IL1RAPL1: variants seen among roughly 807,000 people sequenced by gnomAD.
IL1RAPL1 encodes the protein interleukin-1 receptor accessory protein-like 1.
IL1RAPL1 carries 3 observed loss-of-function variants against 48.4 expected under a neutral mutation model. The ratio of observed to expected loss-of-function variants is 0.06; its 90% CI spans 0.03 to 0.16. The LOEUF is 0.16. Among genes scored for constraint, IL1RAPL1 ranks in the 10% least tolerant of loss-of-function variants. IL1RAPL1 has a pLI of 1.00. For synonymous variants in IL1RAPL1, 185 were observed against 187.7 expected, an observed-to-expected ratio of 0.99 and a Z score of 0.12; for missense variants, 349 against 530.6, an observed-to-expected ratio of 0.66 and a Z score of 3.36.
chrX:29,708,765 T>A (rs2147119428), intron 6 of IL1RAPL1, among the ~76,000 whole-genome samples: 1 of 111,897 alleles, frequency 8.9e-6, no homozygotes. Flanking sequence ...ATATGGTAAT[T>A]ATATTTTTAG....
At chrX:29,762,027 T>G (rs889229621) in intron 6 of IL1RAPL1, among the ~76,000 whole-genome samples, 3 of 111,979 alleles carry the variant, frequency 2.7e-5, no homozygotes, top group East Asian at 5.6e-4. Flanking sequence ...TCTGTTCTTC[T>G]TCTGTTTGTT....
At chrX:29,783,125 C>T (rs1413183680) in intron 6 of IL1RAPL1, among the ~76,000 whole-genome samples, 1 of 108,442 alleles carries the variant, frequency 9.2e-6, no homozygotes, top group Non-Finnish European at 1.9e-5. Flanking sequence ...GGGATGGTCT[C>T]GATCTCCTGA....
intron 1 of IL1RAPL1, among the ~76,000 whole-genome samples, chrX:28,683,480 C>T (rs2023677): frequency 0.22 from 24,079 of 110,685 alleles, 2,086 homozygotes; most frequent in Admixed American, 0.37. Flanking sequence ...AGTTCAACTT[C>T]TTTACTTTAA....
intron 2 of IL1RAPL1, among the ~76,000 whole-genome samples, chrX:29,126,693 C>G (rs1473931014): frequency 4.5e-5 from 5 of 112,353 alleles, no homozygotes; most frequent in Non-Finnish European, 9.4e-5. Context: ...ATCTCCTGTA[C>G]TTGCTTCTTG....
intron 5 of IL1RAPL1, among the ~76,000 whole-genome samples, chrX:29,444,977 G>A (rs1034945340): frequency 8.9e-6 from 1 of 112,282 alleles, no homozygotes; most frequent in Non-Finnish European, 1.9e-5. Flanking sequence ...TGGGGTCAGT[G>A]TTGGAAAAAT....
intron 2 of IL1RAPL1, among the ~76,000 whole-genome samples, chrX:28,949,930 G>C (rs1232101236): frequency 1.8e-5 from 2 of 110,268 alleles, no homozygotes; most frequent in Non-Finnish European, 3.8e-5. Context: ...CTGTGCAGAA[G>C]CTCTTTAGTT....
chrX:29,431,133 A>G (rs1162074671), intron 5 of IL1RAPL1, among the ~76,000 whole-genome samples: 1 of 111,707 alleles, frequency 9.0e-6, no homozygotes, highest in African/African-American at 3.3e-5. Context: ...CATAGGCAGC[A>G]GAGCCTACCA....
intron 5 of IL1RAPL1, among the ~76,000 whole-genome samples, chrX:29,618,644 G>A (rs1407138477): frequency 1.8e-5 from 2 of 111,788 alleles, no homozygotes; most frequent in African/African-American, 6.5e-5. Context: ...CTTTGCCTCC[G>A]TCTTAGGAGG....
intron 5 of IL1RAPL1, among the ~76,000 whole-genome samples, chrX:29,545,183 CTATCTATCT>C (rs2147785088): frequency 2.2e-4 from 1 of 4,518 alleles, no homozygotes; most frequent in African/African-American, 1.5e-3. Context: ...CTAATCCTAT[CTATCTATCT>C]ATCTATCTAT....
chrX:29,824,232 C>A (rs1930682473), intron 6 of IL1RAPL1, among the ~76,000 whole-genome samples: 1 of 111,277 alleles, frequency 9.0e-6, no homozygotes, highest in African/African-American at 3.3e-5. Flanking sequence ...GCCTTACTTG[C>A]ATCAGATGTC....
chrX:29,547,715 G>C (rs190432293), intron 5 of IL1RAPL1, among the ~76,000 whole-genome samples: 3 of 111,830 alleles, frequency 2.7e-5, no homozygotes, highest in Non-Finnish European at 3.8e-5. Context: ...TTTTAGTAAA[G>C]AGCACTATAT....
intron 2 of IL1RAPL1, among the ~76,000 whole-genome samples, chrX:28,840,450 T>C (rs1286391894): frequency 9.0e-6 from 1 of 110,674 alleles, no homozygotes; most frequent in Non-Finnish European, 1.9e-5. Context: ...TTATGTGAAA[T>C]ATTTTGATAT....
At chrX:28,691,697 CT>C (rs1935180371) in intron 1 of IL1RAPL1, among the ~76,000 whole-genome samples, 1 of 111,507 alleles carries the variant, frequency 9.0e-6, no homozygotes, top group African/African-American at 3.3e-5. Flanking sequence ...TTCTCTCTTT[CT>C]TTCTCCCTCC....
At chrX:29,504,126 C>T (rs1388299781) in intron 5 of IL1RAPL1, among the ~76,000 whole-genome samples, 1 of 110,128 alleles carries the variant, frequency 9.1e-6, no homozygotes, top group Non-Finnish European at 1.9e-5. Flanking sequence ...TGAATTTTTA[C>T]GTGCTTGTGT....
chrX:28,719,445 G>A (rs1356418737), intron 1 of IL1RAPL1, among the ~76,000 whole-genome samples: 1 of 110,986 alleles, frequency 9.0e-6, no homozygotes, highest in African/African-American at 3.3e-5. Flanking sequence ...TTCAAGTGTA[G>A]TGTCTAGTTG....
intron 6 of IL1RAPL1, among the ~76,000 whole-genome samples, chrX:29,762,105 G>T (rs1334792188): frequency 1.8e-5 from 2 of 111,768 alleles, no homozygotes; most frequent in African/African-American, 6.5e-5. Flanking sequence ...AGAACAAATT[G>T]AAATTGACCA....
chrX:29,302,528 A>T (rs1000508384), intron 3 of IL1RAPL1, among the ~76,000 whole-genome samples: 33 of 112,002 alleles, frequency 2.9e-4, no homozygotes, highest in Admixed American at 2.0e-3. Flanking sequence ...TACAGTCATT[A>T]TATATTCTTC....
chrX:29,750,171 G>T (rs1392307780), intron 6 of IL1RAPL1, among the ~76,000 whole-genome samples: 1 of 111,646 alleles, frequency 9.0e-6, no homozygotes, highest in Admixed American at 9.6e-5. Context: ...AAAACTTTTC[G>T]TTTCTATTTT....
Position 29,386,597 on chromosome X carries a change from C to T in IL1RAPL1, c.363-9661C>T, listed in dbSNP as rs147329343. ...CTCATTCTTTCACCAGGCTGGAGGG[C>T]AGTGGTGTGATCTTGTCTCACTGCA... On this transcript the variant is annotated intron_variant, in intron 3 of 10. Transcript: ENST00000378993. 4.0e-3 allele frequency among the ~76,000 whole-genome samples: 418 copies of T among 104,988 alleles called. 2 individuals carry two copies. The highest frequency in any genetic ancestry group is 0.014 in the African/African-American group (400 of 28,314). 91.2% of individuals were successfully genotyped at this position (104,988 alleles called of 115,157 possible). A position where few individuals can be genotyped will look rare whatever the true frequency, so the allele number is the denominator to read the frequency against.
Sources: allele counts gnomAD v4.1 joint callset (sites outside exome capture counted in the v4.1 genomes callset), GRCh38; gene constraint gnomAD v4.1.1; transcripts MANE v1.5; gene names NCBI Gene and HGNC (gene_info 2026-07-23, HGNC 2026-07-21).